The following COMMD5 variants were observed in gnomAD, a reference collection of about 807,000 sequenced individuals.
COMMD5 encodes the protein COMM domain-containing protein 5.
A neutral mutation model predicts 6.9 loss-of-function variants in COMMD5; 10 were observed. The ratio of observed to expected loss-of-function variants is 1.44; its 90% confidence interval spans 0.89 to 2.45. The LOEUF (loss-of-function observed/expected upper bound fraction) is 2.45, where lower values mean the gene tolerates loss of function less well. Ranked by LOEUF, COMMD5 falls within the 30% of genes most tolerant of loss-of-function variation. The pLI is 0.00. For missense variants in COMMD5, 234 were observed against 287.8 expected, an observed-to-expected ratio of 0.81 and a Z score of 1.35; for synonymous variants, 127 against 125.3, an observed-to-expected ratio of 1.01 and a Z score of -0.09.
chr8:144,844,433 G>A (rs571880721), intron 1 of COMMD5, among the ~76,000 whole-genome samples: 12 of 152,268 alleles, frequency 7.9e-5, no homozygotes, highest in South Asian at 2.1e-4. Context: ...AAAATGGGCC[G>A]GGCGTGGTGG....
At chr8:144,849,258 T>C (rs556297773), downstream of COMMD5, among the ~76,000 whole-genome samples, 48 of 152,216 alleles carry the variant, frequency 3.2e-4, no homozygotes, top group African/African-American at 1.1e-3. Context: ...GGACAGTGCC[T>C]TCGGGGAGAG....
chr8:144,842,347 AAGTGTGATG>A (rs772095101), intron 1 of COMMD5: 2 of 1,613,872 alleles, frequency 1.2e-6, no homozygotes, highest in Non-Finnish European at 1.7e-6. Context: ...GAAACCATTT[AAGTGTGATG>A]AGTGTGGGAA....
At position 144,852,932 on chromosome 8, in the gene COMMD5, C is replaced by T. The variant is rs1160647842; in HGVS notation, c.-151G>A. 3 of 152,562 alleles carry T rather than the reference C, an allele frequency of 2.0e-5. No individual in the cohort carries two copies. The highest frequency in any genetic ancestry group is 4.8e-5 in the African/African-American group (2 of 41,598). 9.5% of individuals were successfully genotyped at this position (152,562 alleles called of 1,614,324 possible). A position where few individuals can be genotyped will look rare whatever the true frequency, so the allele number is the denominator to read the frequency against. ...CTTTCCTAGGCCCACACCCCCAGCT[C>T]GGGAGGGAGACTCCATCCTACTCCA... On this transcript the variant is annotated 5_prime_UTR_variant, in exon 1 of 2. Transcript: ENST00000305103.
exon 2 of COMMD5, chr8:144,841,316 A>G (rs1312586904): frequency 6.4e-7 from 1 of 1,554,256 alleles, no homozygotes; most frequent in East Asian, 2.3e-5. Flanking sequence ...TTCTCTGAGC[A>G]CAGGGCCTAA....
intron 1 of COMMD5, among the ~76,000 whole-genome samples, chr8:144,851,762 C>CT (rs1830757898): frequency 6.6e-6 from 1 of 152,160 alleles, no homozygotes; most frequent in Admixed American, 6.5e-5. Flanking sequence ...ACAGACCACA[C>CT]TGAGACCATT....
downstream of COMMD5, among the ~76,000 whole-genome samples, chr8:144,845,587 T>C (rs775464101): frequency 4.6e-5 from 7 of 152,214 alleles, no homozygotes; most frequent in Non-Finnish European, 8.8e-5. Flanking sequence ...CCTTGTCCAT[T>C]TGATTTTCTC....
At chr8:144,842,058 G>C in intron 1 of COMMD5, 1 of 1,614,114 alleles carries the variant, frequency 6.2e-7, no homozygotes, top group South Asian at 1.1e-5. Flanking sequence ...CTTTTGGTCA[G>C]AGCTCAAGCC....
At position 144,851,035 on chromosome 8, in the gene COMMD5, T is replaced by C. The variant is rs950508380; in HGVS notation, c.304A>G (p.Thr102Ala). The stretch of plus-strand genomic sequence containing the variant: ...CTGAAGGTGTCAGGCTTCAGGCTGG[T>C]GGGGGGCAGACGGAGGGCCTGCTGG... The part of the protein sequence containing the change: ...LLQQALRLPP[T>A]SLKPDTFRDQ... The change falls in exon 2 of 2, where the codon ACC (threonine) becomes GCC (alanine). Residue 102 changes from threonine (T) to alanine (A), a missense_variant. Thr to Ala is a moderately conservative substitution (Grantham distance 58, BLOSUM62 0). Coordinates refer to ENST00000305103, the MANE Select transcript of COMMD5 (RefSeq NM_014066.4). 7 of 1,612,396 alleles carry C rather than the reference T, an allele frequency of 4.3e-6. No homozygotes were observed. In the African/African-American group the frequency reaches 9.3e-5, roughly 22 times the overall value.
In COMMD5 at chr8:144,851,159, C is replaced by T; in HGVS notation, c.180G>A (p.Gln60=). The stretch of plus-strand genomic sequence containing the variant: ...GCACAGCCTCTCGGCAGTCCTCCCC[C>T]TGCAGGCTGCTGACCACAAACTTCA... ...KLLKFVVSSL[Q]GEDCREAVQR... The change falls in exon 2 of 2, where the codon CAG becomes CAA. Residue 60 remains glutamine (Q), a synonymous_variant. Coordinates refer to ENST00000305103, the MANE Select transcript of COMMD5 (RefSeq NM_014066.4). 1 of 1,613,444 alleles carries T rather than the reference C, an allele frequency of 6.2e-7. No individual in the cohort carries two copies. Among genetic ancestry groups the T allele is most frequent in the Non-Finnish European group, 8.5e-7 (1 of 1,180,022 alleles).
intron 1 of COMMD5, among the ~76,000 whole-genome samples, chr8:144,851,661 G>T (rs960424099): frequency 6.6e-6 from 1 of 151,930 alleles, no homozygotes; most frequent in African/African-American, 2.4e-5. Flanking sequence ...GGAGGACCAG[G>T]AAACAGCACA....
chr8:144,842,964 C>T, intron 1 of COMMD5: 1 of 1,614,188 alleles, frequency 6.2e-7, no homozygotes, highest in East Asian at 2.2e-5. Context: ...TGGAAGGGTC[C>T]ACCTTTGTGA....
chr8:144,842,930 G>A, intron 1 of COMMD5: 7 of 1,614,152 alleles, frequency 4.3e-6, no homozygotes, highest in Non-Finnish European at 5.9e-6. Context: ...AGGGCCCAGT[G>A]GTTTTACGAA....
intron 1 of COMMD5, among the ~76,000 whole-genome samples, chr8:144,844,566 C>T (rs901492215): frequency 1.4e-4 from 22 of 151,862 alleles, no homozygotes; most frequent in Admixed American, 4.6e-4. Flanking sequence ...AAAAATTAGC[C>T]GGGCGTGGTG....
intron 1 of COMMD5, chr8:144,842,603 G>A (rs765918704): frequency 1.2e-6 from 2 of 1,614,246 alleles, no homozygotes; most frequent in Non-Finnish European, 1.7e-6. Flanking sequence ...CCCTATGTGT[G>A]TAATGACTGT....
chr8:144,851,441 T>C (rs1830741450), intron 1 of COMMD5, 46 bp from the exon 2 acceptor site: 2 of 1,323,994 alleles, frequency 1.5e-6, no homozygotes, highest in Non-Finnish European at 2.1e-6. Context: ...TCACATCCTT[T>C]GGGCCAGCGA....
intron 1 of COMMD5, 136 bp downstream of exon 1, chr8:144,852,703 G>C (rs1217852392): frequency 5.3e-5 from 8 of 152,280 alleles, no homozygotes; most frequent in Non-Finnish European, 1.2e-4. Context: ...TTGGAAGGCC[G>C]GGTTCGCACC....
Position 144,850,516 on chromosome 8 carries a change from A to G in COMMD5, c.*148T>C. 1.2e-6 allele frequency: 1 copy of G among 864,478 alleles called. No homozygotes were observed. Among genetic ancestry groups the G allele is most frequent in the Non-Finnish European group, 1.7e-6 (1 of 577,666 alleles). The allele number at this position is 864,478 out of a possible 1,614,324, so 53.6% of individuals were successfully genotyped here. ...GCATAGCTCTCTTTTTCAATTAAAC[A>G]GAAAACTACATAATTACGTTCAAAC... is the stretch of plus-strand genomic sequence containing the variant. On this transcript the variant is annotated 3_prime_UTR_variant, in exon 2 of 2. Coordinates refer to ENST00000305103, the MANE Select transcript of COMMD5 (RefSeq NM_014066.4). This position sits in a 1 kb window ranked among gnomAD's most constrained non-coding sequence, Gnocchi z 4.0.
chr8:144,851,101 C>G lies in COMMD5; in HGVS notation c.238G>C (p.Glu80Gln). The stretch of plus-strand genomic sequence containing the variant: ...CCTGCCAGCAGGGCACCCAGCTGCT[C>G]CTCCGGCAGGTTGGCGCTGACCCCA... Reference protein sequence around the residue: ...RLGVSANLPEEQLGALLAGMH... With the variant: ...RLGVSANLPEQQLGALLAGMH... Residue 80 changes from glutamate to glutamine, a missense_variant, in exon 2 of 2, where the codon GAG (glutamate) becomes CAG (glutamine). By Grantham distance (29) the Glu-to-Gln change is conservative. Transcript: ENST00000305103. The G allele has an allele frequency of 1.9e-6, 3 of 1,612,122 alleles. No homozygotes were observed. Among genetic ancestry groups the G allele is most frequent in the Non-Finnish European group, 2.5e-6 (3 of 1,179,404 alleles).
chr8:144,843,633 G>GTTTA (rs1314971081), intron 1 of COMMD5: 3 of 150,510 alleles, frequency 2.0e-5, no homozygotes, highest in Admixed American at 6.6e-5. Context: ...CAAAATGTAT[G>GTTTA]TTTATTTCCT....
Sources: allele counts gnomAD v4.1 joint callset (sites outside exome capture counted in the v4.1 genomes callset), GRCh38; gene constraint gnomAD v4.1.1; non-coding constraint Gnocchi (gnomAD v3.1); transcripts MANE v1.5; gene names NCBI Gene and HGNC (gene_info 2026-07-23, HGNC 2026-07-21).